The following WWOX variants were observed in gnomAD, a reference collection of about 807,000 sequenced individuals.
WWOX encodes the protein WW domain containing oxidoreductase.
WWOX carries 69 observed loss-of-function variants against 46.2 expected under a neutral mutation model. The observed-to-expected ratio is 1.49, with a 90% CI of 1.23 to 1.82. The LOEUF (loss-of-function observed/expected upper bound fraction) is 1.82, where lower values mean the gene tolerates loss of function less well. Among genes scored for constraint, WWOX ranks in the 40% most tolerant of loss-of-function variants. WWOX has a pLI of 0.00. For missense variants in WWOX, 919 were observed against 542.6 expected, an observed-to-expected ratio of 1.69 and a Z score of -6.89; for synonymous variants, 359 against 202.6, an observed-to-expected ratio of 1.77 and a Z score of -6.56.
At chr16:78,859,651 T>C (rs2052670316) in intron 8 of WWOX, among the ~76,000 whole-genome samples, 1 of 152,192 alleles carries the variant, frequency 6.6e-6, no homozygotes, top group Non-Finnish European at 1.5e-5. Flanking sequence ...TCTTCTGTGA[T>C]TCTCTTGGTT....
intron 8 of WWOX, among the ~76,000 whole-genome samples, chr16:78,915,606 C>T (rs28753975): frequency 0.011 from 1,599 of 152,018 alleles, 28 homozygotes; most frequent in African/African-American, 0.037. Flanking sequence ...TTCCTATTAG[C>T]AAAATAACAG....
In WWOX at chr16:78,396,971, A is replaced by C. The variant is rs192334272; in HGVS notation, c.605+10023A>C. On this transcript the variant is annotated intron_variant, in intron 6 of 8. Transcript: ENST00000566780. ...CGGTGGCCCAGAGACCCTTTAAATG[A>C]AATTCATTTTACTAGCACCCTTTTT... 3.3e-5 allele frequency among the ~76,000 whole-genome samples: 5 copies of C among 152,312 alleles called. No individual in the cohort carries two copies. In the East Asian group the frequency reaches 7.7e-4, roughly 23 times the overall value.
In WWOX at chr16:78,383,058, G is replaced by A. The variant is rs1238763613; in HGVS notation, c.517-3802G>A. ...TGCTCTTGTAAACAAGCAGATCTTA[G>A]GCATACTGGATCACGAGACAGCACT... is the stretch of plus-strand genomic sequence containing the variant. On this transcript the variant is annotated intron_variant, in intron 5 of 8. Coordinates refer to ENST00000566780, the MANE Select transcript of WWOX (RefSeq NM_016373.4). 2.0e-5 allele frequency among the ~76,000 whole-genome samples: 3 copies of A among 150,392 alleles called. No homozygotes were observed. In the Admixed American group the frequency reaches 2.0e-4, roughly 10 times the overall value.
intron 8 of WWOX, among the ~76,000 whole-genome samples, chr16:78,444,721 G>A (rs1285248458): frequency 6.6e-6 from 1 of 151,836 alleles, no homozygotes; most frequent in African/African-American, 2.4e-5. Context: ...TAGTAGAGAC[G>A]AGGTTTCACG....
At chr16:78,399,840 C>T (rs902647226) in intron 6 of WWOX, among the ~76,000 whole-genome samples, 1 of 152,204 alleles carries the variant, frequency 6.6e-6, no homozygotes, top group African/African-American at 2.4e-5. Flanking sequence ...ACTGAAATCA[C>T]ATTTTAATAA....
chr16:78,995,267 G>A (rs1051783857), intron 8 of WWOX, among the ~76,000 whole-genome samples: 1 of 152,068 alleles, frequency 6.6e-6, no homozygotes, highest in Non-Finnish European at 1.5e-5. Flanking sequence ...TAGCAGGAAA[G>A]GTGAACAGAG....
At chr16:78,220,290 GTCTT>G (rs1772763592) in intron 5 of WWOX, among the ~76,000 whole-genome samples, 1 of 152,172 alleles carries the variant, frequency 6.6e-6, no homozygotes, top group Non-Finnish European at 1.5e-5. Context: ...ATTACCTTAT[GTCTT>G]TCTGATTTCA....
At chr16:78,361,125 G>C (rs1471578762) in intron 5 of WWOX, among the ~76,000 whole-genome samples, 3 of 152,018 alleles carry the variant, frequency 2.0e-5, no homozygotes, top group African/African-American at 7.2e-5. Context: ...ACCTGGCTTG[G>C]AGCATTCAGT....
intron 5 of WWOX, among the ~76,000 whole-genome samples, chr16:78,257,958 A>C (rs2038175972): frequency 6.6e-6 from 1 of 152,150 alleles, no homozygotes; most frequent in Admixed American, 6.5e-5. Context: ...GACTATATAT[A>C]TAAAATCTCA....
intron 5 of WWOX, among the ~76,000 whole-genome samples, chr16:78,206,859 C>G (rs1029862404): frequency 6.6e-6 from 1 of 152,026 alleles, no homozygotes; most frequent in African/African-American, 2.4e-5. Context: ...GGTTTCAGAC[C>G]CTTTTAGTCT....
intron 8 of WWOX, among the ~76,000 whole-genome samples, chr16:78,661,218 A>G (rs990218983): frequency 6.6e-6 from 1 of 152,168 alleles, no homozygotes; most frequent in Admixed American, 6.6e-5. Flanking sequence ...ACACGTGAGA[A>G]TGCCTGTGGC....
chr16:78,463,408 G>A (rs1353357602), intron 8 of WWOX, among the ~76,000 whole-genome samples: 5 of 152,172 alleles, frequency 3.3e-5, no homozygotes, highest in African/African-American at 7.2e-5. Context: ...TATATAGACT[G>A]GAGATATTTC....
intron 8 of WWOX, among the ~76,000 whole-genome samples, chr16:79,074,082 A>G (rs6564636): frequency 0.053 from 8,062 of 152,010 alleles, 717 homozygotes; most frequent in African/African-American, 0.19. Context: ...CAGGCTGAGG[A>G]TGGGTGCTTT....
At position 78,782,442 on chromosome 16, in the gene WWOX, A is replaced by G. The variant is rs78951784; in HGVS notation, c.1056+349690A>G. On this transcript the variant is annotated intron_variant, in intron 8 of 8. Coordinates refer to ENST00000566780, the MANE Select transcript of WWOX (RefSeq NM_016373.4). Reference sequence around the variant, plus strand: ...CTTATGCTGGGGCAACGCTACCAACATTGGTATTCCACAGCATTCCAACGA... The same window carrying G: ...CTTATGCTGGGGCAACGCTACCAACGTTGGTATTCCACAGCATTCCAACGA... 2.3e-3 allele frequency among the ~76,000 whole-genome samples: 343 copies of G among 152,286 alleles called. 2 individuals are homozygous for G. The highest frequency in any genetic ancestry group is 8.0e-3 in the African/African-American group (333 of 41,560).
chr16:78,549,120 T>C (rs780928243), intron 8 of WWOX, among the ~76,000 whole-genome samples: 5 of 152,172 alleles, frequency 3.3e-5, no homozygotes, highest in Admixed American at 1.3e-4. Flanking sequence ...CACTGTGGTA[T>C]TGAGATTTGT....
intron 8 of WWOX, among the ~76,000 whole-genome samples, chr16:79,184,564 C>T (rs1166027557): frequency 6.6e-6 from 1 of 152,296 alleles, no homozygotes. Flanking sequence ...TGGTGTTGTG[C>T]ACCCACTCTG....
intron 5 of WWOX, among the ~76,000 whole-genome samples, chr16:78,192,416 C>T (rs983447073): frequency 1.4e-5 from 2 of 144,622 alleles, no homozygotes; most frequent in Non-Finnish European, 3.0e-5. Flanking sequence ...CACTTGAACC[C>T]AGTAGGCGGA....
chr16:78,939,084 G>A (rs1036541479), intron 8 of WWOX, among the ~76,000 whole-genome samples: 2 of 152,206 alleles, frequency 1.3e-5, no homozygotes, highest in Non-Finnish European at 2.9e-5. Context: ...CCACAGGAGG[G>A]CTTTAGACAG....
chr16:79,093,395 A>G (rs571952246), intron 8 of WWOX, among the ~76,000 whole-genome samples: 1 of 152,348 alleles, frequency 6.6e-6, no homozygotes, highest in Admixed American at 6.5e-5. Flanking sequence ...GAGATCAAAA[A>G]GAAATGTTCA....
Sources: gnomAD v4.1 joint callset for allele counts (sites outside exome capture counted in the v4.1 genomes callset) on GRCh38, gnomAD v4.1.1 for gene constraint, MANE v1.5 for transcripts, NCBI Gene and HGNC (gene_info 2026-07-23, HGNC 2026-07-21) for gene names.